WDR72: variants seen among roughly 807,000 people sequenced by gnomAD.
The protein encoded by WDR72 is WD repeat domain 72.
In WDR72, 120 loss-of-function variants were observed where a neutral mutation model predicts 124.2. The ratio of observed to expected loss-of-function variants is 0.97; its 90% CI spans 0.83 to 1.12. WDR72 has a LOEUF of 1.12. WDR72 is among the 50% of genes most tolerant of loss of function. The pLI, the probability that WDR72 is intolerant of heterozygous loss-of-function variation, is 0.00. For synonymous variants in WDR72, 452 were observed against 441.7 expected (o/e 1.02, Z -0.29); for missense variants, 1,387 against 1,278.8 (o/e 1.08, Z -1.29).
intron 18 of WDR72, among the ~76,000 whole-genome samples, chr15:53,550,118 C>T (rs1160885175): frequency 6.6e-6 from 1 of 152,170 alleles, no homozygotes; most frequent in Non-Finnish European, 1.5e-5. Context: ...GTTGAGGAAA[C>T]AAGCTTGGTA....
At chr15:53,523,902 G>GT (rs1891958674) in intron 18 of WDR72, among the ~76,000 whole-genome samples, 1 of 152,038 alleles carries the variant, frequency 6.6e-6, no homozygotes, top group African/African-American at 2.4e-5. Flanking sequence ...GTTTCAAATG[G>GT]TAGGTCTCCA....
intron 1 of WDR72, among the ~76,000 whole-genome samples, chr15:53,751,759 G>A (rs1176382321): frequency 6.6e-6 from 1 of 152,160 alleles, no homozygotes; most frequent in Non-Finnish European, 1.5e-5. Context: ...TAATGAGTAA[G>A]GAGACAGCAT....
At chr15:53,644,716 G>A (rs2014980654) in intron 14 of WDR72, among the ~76,000 whole-genome samples, 1 of 152,094 alleles carries the variant, frequency 6.6e-6, no homozygotes, top group South Asian at 2.1e-4. Context: ...GCTGAAGATC[G>A]TTGTTGGCAG....
chr15:53,630,238 G>C (rs894897203), intron 14 of WDR72, among the ~76,000 whole-genome samples: 3 of 152,146 alleles, frequency 2.0e-5, no homozygotes, highest in Non-Finnish European at 4.4e-5. Flanking sequence ...ATATAGAAAA[G>C]ACCAGGTCCA....
At chr15:53,727,004 T>C (rs973144638) in intron 2 of WDR72, among the ~76,000 whole-genome samples, 6 of 152,014 alleles carry the variant, frequency 3.9e-5, no homozygotes, top group African/African-American at 1.4e-4. Flanking sequence ...TGGAGAAAGT[T>C]GTCAATAATA....
At chr15:53,622,794 C>G (rs1408275015) in intron 14 of WDR72, among the ~76,000 whole-genome samples, 1 of 150,728 alleles carries the variant, frequency 6.6e-6, no homozygotes, top group Admixed American at 6.6e-5. Context: ...CTAAACTAAA[C>G]TAAACTAAAA....
At chr15:53,679,565 T>C (rs571600481) in intron 13 of WDR72, among the ~76,000 whole-genome samples, 3 of 152,136 alleles carry the variant, frequency 2.0e-5, no homozygotes, top group South Asian at 2.1e-4. Flanking sequence ...AAGAAGGACA[T>C]TGATGGCAGA....
chr15:53,719,435 G>A (rs1019531021), intron 3 of WDR72, among the ~76,000 whole-genome samples: 1 of 152,016 alleles, frequency 6.6e-6, no homozygotes, highest in Non-Finnish European at 1.5e-5. Flanking sequence ...TTATGCTATT[G>A]GAAGCCCAGA....
At chr15:53,644,094 T>G (rs1303692236) in intron 14 of WDR72, among the ~76,000 whole-genome samples, 1 of 152,168 alleles carries the variant, frequency 6.6e-6, no homozygotes, top group Non-Finnish European at 1.5e-5. Context: ...GAAAACAGTG[T>G]ATCCATCAGC....
intron 18 of WDR72, among the ~76,000 whole-genome samples, chr15:53,533,340 T>C (rs1362075137): frequency 6.6e-6 from 1 of 151,250 alleles, no homozygotes; most frequent in Non-Finnish European, 1.5e-5. Flanking sequence ...TATATATACC[T>C]ATGACTGTCA....
chr15:53,658,735 A>T (rs2015511620), intron 14 of WDR72, among the ~76,000 whole-genome samples: 1 of 152,254 alleles, frequency 6.6e-6, no homozygotes, highest in Non-Finnish European at 1.5e-5. Context: ...GTGACTAAAC[A>T]TGAGCCAGGG....
intron 18 of WDR72, among the ~76,000 whole-genome samples, chr15:53,554,836 T>A (rs1438685032): frequency 6.6e-6 from 1 of 152,184 alleles, no homozygotes; most frequent in African/African-American, 2.4e-5. Flanking sequence ...GTAGAATATA[T>A]GTAGTTTTGT....
intron 4 of WDR72, among the ~76,000 whole-genome samples, chr15:53,716,396 G>T (rs1461838074): frequency 6.6e-6 from 1 of 152,168 alleles, no homozygotes; most frequent in Non-Finnish European, 1.5e-5. Flanking sequence ...AAAAATGAAA[G>T]AATCAGGGGG....
intron 1 of WDR72, among the ~76,000 whole-genome samples, chr15:53,735,036 G>A (rs879788783): frequency 7.2e-5 from 11 of 152,108 alleles, no homozygotes; most frequent in Non-Finnish European, 1.6e-4. Flanking sequence ...TCTCAGGCCT[G>A]TAATCACAGC....
At chr15:53,616,336 C>T (rs2013767305) in intron 14 of WDR72, 93 bp from the exon 15 acceptor site, 4 of 1,042,278 alleles carry the variant, frequency 3.8e-6, no homozygotes, top group Non-Finnish European at 5.7e-6. Context: ...AAAAGTATTA[C>T]ATTGCAGAGC....
At chr15:53,696,877 T>C (rs186190221) in intron 13 of WDR72, among the ~76,000 whole-genome samples, 1 of 152,250 alleles carries the variant, frequency 6.6e-6, no homozygotes, top group African/African-American at 2.4e-5. Flanking sequence ...ATATAGAAAG[T>C]TGGGCCACCA....
intron 1 of WDR72, among the ~76,000 whole-genome samples, chr15:53,736,998 AACACAC>A (rs67659814): frequency 0.23 from 32,789 of 140,940 alleles, 4,343 homozygotes; most frequent in African/African-American, 0.37. Context: ...GTAGATGTAA[AACACAC>A]ACACACACAC....
At position 53,523,285 on chromosome 15, in the gene WDR72, G is replaced by A. The variant is rs759342650; in HGVS notation, c.3186C>T (p.Asn1062=). 8.1e-6 allele frequency: 13 copies of A among 1,613,076 alleles called. No individual in the cohort carries two copies. Among genetic ancestry groups the A allele is most frequent in the South Asian group, 3.3e-5 (3 of 91,064 alleles). ...VSPVKHDSNS[N]SANFQDVEDM... is the part of the protein sequence containing the mutation. ...CCTCCACGTCTTGGAAGTTTGCCGA[G>A]TTTGAGTTGCTGTCATGCTTGACCG... Residue 1062 remains asparagine, a synonymous_variant, in exon 19 of 20, where the codon AAC becomes AAT. Coordinates refer to ENST00000360509, the MANE Select transcript of WDR72 (RefSeq NM_182758.4).
At chr15:53,559,683 G>A (rs1450332990) in intron 18 of WDR72, among the ~76,000 whole-genome samples, 1 of 151,974 alleles carries the variant, frequency 6.6e-6, no homozygotes, top group East Asian at 1.9e-4. Context: ...ACAGTAGGCG[G>A]CCATAAAGTT....
Sources: gnomAD v4.1 joint callset for allele counts (sites outside exome capture counted in the v4.1 genomes callset) on GRCh38, gnomAD v4.1.1 for gene constraint, MANE v1.5 for transcripts, NCBI Gene and HGNC (gene_info 2026-07-23, HGNC 2026-07-21) for gene names.